FAM135B: variants seen among roughly 807,000 people sequenced by gnomAD.
FAM135B encodes the protein family with sequence similarity 135 member B.
In FAM135B, 43 loss-of-function variants were observed where a neutral mutation model predicts 127.7. The observed-to-expected ratio is 0.34, with a 90% CI of 0.26 to 0.43. The LOEUF is 0.43. Among genes scored for constraint, FAM135B ranks in the 20% least tolerant of loss-of-function variants. The pLI is 1.00. For missense variants in FAM135B, 1,558 were observed against 1,725.6 expected (o/e 0.90, Z 1.72); for synonymous variants, 670 against 665.1 (o/e 1.01, Z -0.11).
chr8:138,454,720 C>T (rs966547799), intron 1 of FAM135B, among the ~76,000 whole-genome samples: 24 of 152,176 alleles, frequency 1.6e-4, no homozygotes, highest in African/African-American at 5.5e-4. Context: ...GTTAGTGTGG[C>T]TTCACACACA....
At position 138,148,648 on chromosome 8, in the gene FAM135B, T is replaced by A. The variant is rs2130693786; in HGVS notation, c.3320A>T (p.Lys1107Met). The change falls in exon 14 of 20, where the codon AAG becomes ATG. Residue 1107 changes from lysine to methionine, a missense_variant. Physicochemically the swap from Lys to Met is moderately conservative, Grantham distance 95 (BLOSUM62 -1). Around this residue, in one of 5 missense-constraint regions of FAM135B, gnomAD observed 923 missense variants for 865.3 expected, o/e 1.07. Coordinates refer to ENST00000395297, the MANE Select transcript of FAM135B (RefSeq NM_015912.4). ...QAKEKFKKEL[K>M]IEGFLYSDLT... Reference sequence around the variant, plus strand: ...GTCACTGTACAGAAATCCTTCAATCTTCAGTTCTTTTTTAAATTTTTCTTT... The same window carrying A: ...GTCACTGTACAGAAATCCTTCAATCATCAGTTCTTTTTTAAATTTTTCTTT... 6.2e-7 allele frequency: 1 copy of A among 1,607,216 alleles called. No individual in the cohort carries two copies. Among genetic ancestry groups the A allele is most frequent in the Non-Finnish European group, 8.5e-7 (1 of 1,176,908 alleles).
intron 4 of FAM135B, among the ~76,000 whole-genome samples, chr8:138,258,040 C>A (rs1454197654): frequency 6.6e-6 from 1 of 152,158 alleles, no homozygotes; most frequent in Non-Finnish European, 1.5e-5. Context: ...ATTTGGCCTG[C>A]AGCTAAAAGC....
chr8:138,487,294 T>C (rs1328179323), intron 1 of FAM135B, among the ~76,000 whole-genome samples: 1 of 151,874 alleles, frequency 6.6e-6, no homozygotes, highest in Admixed American at 6.6e-5. Context: ...AAGGCATTCT[T>C]AGCTGGTCAC....
chr8:138,401,575 T>G (rs892126791), intron 1 of FAM135B, among the ~76,000 whole-genome samples: 1 of 152,156 alleles, frequency 6.6e-6, no homozygotes, highest in Non-Finnish European at 1.5e-5. Flanking sequence ...CTGGTCCCAG[T>G]GACAATCTCA....
At chr8:138,267,775 T>G (rs114903313) in intron 3 of FAM135B, among the ~76,000 whole-genome samples, 4 of 152,344 alleles carry the variant, frequency 2.6e-5, no homozygotes, top group African/African-American at 9.6e-5. Flanking sequence ...TTTCCAAGGC[T>G]ACTCAGATGT....
At chr8:138,146,538 T>C (rs1246063497) in intron 14 of FAM135B, among the ~76,000 whole-genome samples, 2 of 152,130 alleles carry the variant, frequency 1.3e-5, no homozygotes, top group African/African-American at 4.8e-5. Context: ...CACAGTTATC[T>C]AAATAGAATA....
intron 7 of FAM135B, among the ~76,000 whole-genome samples, chr8:138,205,194 A>C (rs6577885): frequency 0.72 from 109,385 of 152,120 alleles, 39,544 homozygotes; most frequent in East Asian, 0.82. Context: ...TCTCTTGCCA[A>C]CTCTATGCAA....
chr8:138,180,854 C>T (rs537097593), intron 9 of FAM135B, among the ~76,000 whole-genome samples: 61 of 152,288 alleles, frequency 4.0e-4, no homozygotes, highest in African/African-American at 1.4e-3. Context: ...CTGATGGAAG[C>T]TTTACTTCCA....
At chr8:138,335,906 C>G in intron 2 of FAM135B, among the ~76,000 whole-genome samples, 1 of 151,472 alleles carries the variant, frequency 6.6e-6, no homozygotes, top group Non-Finnish European at 1.5e-5. Context: ...CACAAACTGT[C>G]TCTCAGACCA....
intron 7 of FAM135B, among the ~76,000 whole-genome samples, chr8:138,203,934 C>A (rs1375323423): frequency 6.6e-6 from 1 of 152,162 alleles, no homozygotes; most frequent in Admixed American, 6.5e-5. Flanking sequence ...AGATCCCTCC[C>A]ATGTACAGTT....
intron 1 of FAM135B, among the ~76,000 whole-genome samples, chr8:138,483,458 G>A (rs546440645): frequency 5.9e-5 from 9 of 152,340 alleles, no homozygotes; most frequent in African/African-American, 1.9e-4. Flanking sequence ...CATCAGAGGG[G>A]TGGGAAATGC....
chr8:138,363,509 G>A (rs1413276127), intron 2 of FAM135B, among the ~76,000 whole-genome samples: 1 of 152,108 alleles, frequency 6.6e-6, no homozygotes, highest in Non-Finnish European at 1.5e-5. Context: ...GAGTCTTACT[G>A]CTGAATGTGG....
At position 138,172,057 on chromosome 8, in the gene FAM135B, G is replaced by A. The variant is rs117814879; in HGVS notation, c.1104-4008C>T. Among the ~76,000 whole-genome samples, 257 of 152,240 alleles carry A rather than the reference G, an allele frequency of 1.7e-3. 2 individuals carry two copies. In the East Asian group the frequency reaches 0.019, roughly 11 times the overall value. The stretch of plus-strand genomic sequence containing the variant: ...GTGTATGTGTTTTCTGGTGTTCTGT[G>A]GAGAATAAAGAGGGATAGGCTGAGA... On this transcript the variant is annotated intron_variant, in intron 11 of 19. Transcript: ENST00000395297.
At chr8:138,233,577 A>T (rs1184297598) in intron 7 of FAM135B, among the ~76,000 whole-genome samples, 1 of 152,166 alleles carries the variant, frequency 6.6e-6, no homozygotes, top group Admixed American at 6.5e-5. Context: ...AAGAAAACAT[A>T]AGGGGAATGC....
rs386414180 is a variant in FAM135B, at chr8:138,285,134, ATTTTTTTTTTTTTT to A, written c.158-19306_158-19293del. Reference sequence around the variant, plus strand: ...TGGAAAACATATATTGGCTCTACTAATTTTTTTTTTTTTTTTTTTTTTTTTTTTTTGAGACAGAG... The same window carrying A: ...TGGAAAACATATATTGGCTCTACTAATTTTTTTTTTTTTTTTGAGACAGAG... On this transcript the variant is annotated intron_variant, in intron 3 of 19. Transcript: ENST00000395297. 7.3e-4 allele frequency among the ~76,000 whole-genome samples: 40 copies of A among 54,792 alleles called. 1 individual carries two copies. The highest frequency in any genetic ancestry group is 2.6e-3 in the African/African-American group (37 of 14,122). The allele number at this position is 54,792 out of a possible 152,430, so 35.9% of individuals were successfully genotyped here.
intron 1 of FAM135B, among the ~76,000 whole-genome samples, chr8:138,482,233 A>G (rs533745697): frequency 6.6e-5 from 10 of 152,328 alleles, no homozygotes; most frequent in African/African-American, 2.2e-4. Flanking sequence ...CAAGGTCCAT[A>G]GGGTATCTGC....
chr8:138,367,651 A>G (rs1395541626), intron 2 of FAM135B, among the ~76,000 whole-genome samples: 3 of 152,160 alleles, frequency 2.0e-5, no homozygotes, highest in Non-Finnish European at 4.4e-5. Flanking sequence ...AGAGCCACCA[A>G]GAAGAGAGTA....
intron 14 of FAM135B, among the ~76,000 whole-genome samples, 193 bp downstream of exon 14, chr8:138,148,327 G>T (rs1301269658): frequency 6.6e-6 from 1 of 151,968 alleles, no homozygotes; most frequent in Non-Finnish European, 1.5e-5. Context: ...TTACTTAACA[G>T]GTTTTTTGTG....
intron 11 of FAM135B, among the ~76,000 whole-genome samples, chr8:138,173,565 C>T (rs555026370): frequency 3.9e-5 from 6 of 152,214 alleles, no homozygotes; most frequent in East Asian, 1.9e-4. Context: ...GAACATTAAA[C>T]GAGCCAAAGC....
Sources: gnomAD v4.1 joint callset for allele counts (sites outside exome capture counted in the v4.1 genomes callset) on GRCh38, gnomAD v4.1.1 for gene constraint, gnomAD v4.1.1 regional missense constraint, MANE v1.5 for transcripts, NCBI Gene and HGNC (gene_info 2026-07-23, HGNC 2026-07-21) for gene names.